Variants in ATP6V0D1 observed in about 807,000 individuals in gnomAD.
The protein encoded by ATP6V0D1 is V-type proton ATPase subunit d 1.
ATP6V0D1 carries 13 observed loss-of-function variants against 39.0 expected under a neutral mutation model. The observed-to-expected ratio is 0.33, with a 90% CI of 0.22 to 0.53. The LOEUF is 0.53. ATP6V0D1 is among the 20% of genes least tolerant of loss of function. The pLI is 0.94. For synonymous variants in ATP6V0D1, 191 were observed against 191.2 expected, an observed-to-expected ratio of 1.00 and a Z score of 0.01; for missense variants, 272 against 470.9, an observed-to-expected ratio of 0.58 and a Z score of 3.91.
In ATP6V0D1 at chr16:67,444,772, C is replaced by T; in HGVS notation, c.303-66G>A. ...GGGCCGGGAAGTCCTGGCATAGCAC[C>T]ATGCCCTCGCCCGCCTGCACAGGCC... On this transcript the variant is annotated intron_variant, in intron 2 of 7. Coordinates refer to ENST00000290949, the MANE Select transcript of ATP6V0D1 (RefSeq NM_004691.5). This position sits in a 1 kb window ranked among gnomAD's most constrained non-coding sequence, Gnocchi z 4.8. 2 of 1,429,422 alleles carry T rather than the reference C, an allele frequency of 1.4e-6. No homozygotes were observed. Among genetic ancestry groups the T allele is most frequent in the Non-Finnish European group, 1.9e-6 (2 of 1,065,576 alleles). The allele number at this position is 1,429,422 out of a possible 1,614,324, so 88.5% of individuals were successfully genotyped here.
At chr16:67,460,621 T>C (rs1567539628) in intron 1 of ATP6V0D1, among the ~76,000 whole-genome samples, 1 of 152,062 alleles carries the variant, frequency 6.6e-6, no homozygotes, top group Non-Finnish European at 1.5e-5. Flanking sequence ...ATTGACTGAG[T>C]AACCCCAAGT....
At position 67,438,814 on chromosome 16, in the gene ATP6V0D1, C is replaced by T. The variant is rs752486715; in HGVS notation, c.873G>A (p.Glu291=). ...TCACCTCGTGCTCAAAGAATCGGTCCTCCAGCGTCTTGTCTCCAGGGTTGC... is the reference window on the plus strand; with the variant it reads ...TCACCTCGTGCTCAAAGAATCGGTCTTCCAGCGTCTTGTCTCCAGGGTTGC... ...AGSNPGDKTL[E]DRFFEHEVKL... Residue 291 remains glutamate, a synonymous_variant, in exon 7 of 8, where the codon GAG becomes GAA. Transcript: ENST00000290949. 6.2e-7 allele frequency: 1 copy of T among 1,613,960 alleles called. No homozygotes were observed. The highest frequency in any genetic ancestry group is 8.5e-7 in the Non-Finnish European group (1 of 1,180,020).
intron 1 of ATP6V0D1, among the ~76,000 whole-genome samples, chr16:67,454,120 G>A (rs1253762381): frequency 6.6e-6 from 1 of 152,138 alleles, no homozygotes; most frequent in Non-Finnish European, 1.5e-5. Flanking sequence ...GGGTCAGAGG[G>A]GCAAGCCAAC....
At chr16:67,462,960 C>T (rs189367443) in intron 1 of ATP6V0D1, among the ~76,000 whole-genome samples, 19 of 152,182 alleles carry the variant, frequency 1.2e-4, no homozygotes, top group Admixed American at 5.2e-4. Flanking sequence ...CAGAAGGACA[C>T]GAAGGAAAGT....
At chr16:67,452,245 G>A (rs1002599167) in intron 2 of ATP6V0D1, 1 of 1,535,204 alleles carries the variant, frequency 6.5e-7, no homozygotes, top group African/African-American at 1.4e-5. Context: ...TACCTTGATG[G>A]AGGCCAGGGC....
At chr16:67,445,454 C>T (rs1331417492) in intron 2 of ATP6V0D1, among the ~76,000 whole-genome samples, 1 of 152,194 alleles carries the variant, frequency 6.6e-6, no homozygotes, top group Non-Finnish European at 1.5e-5. Context: ...GGAAGGCCAG[C>T]AAGGAGCCAG....
chr16:67,444,848 A>T lies in ATP6V0D1; in HGVS notation c.303-142T>A. On this transcript the variant is annotated intron_variant, in intron 2 of 7. Transcript: ENST00000290949. This position sits in a 1 kb window ranked among gnomAD's most constrained non-coding sequence, Gnocchi z 4.8. ...CTCATGGGTGCTGCGGATAAGCACC[A>T]GTGTCTCCTCTCCCTCCCCATGTTC... The T allele has an allele frequency of 1.3e-6, 1 of 740,868 alleles. No individual in the cohort carries two copies. Among genetic ancestry groups the T allele is most frequent in the Non-Finnish European group, 2.1e-6 (1 of 479,768 alleles). 45.9% of individuals were successfully genotyped at this position (740,868 alleles called of 1,614,324 possible).
chr16:67,474,359 C>G (rs1486461970), intron 1 of ATP6V0D1, among the ~76,000 whole-genome samples: 1 of 152,242 alleles, frequency 6.6e-6, no homozygotes, highest in Admixed American at 6.5e-5. Flanking sequence ...GCGCTGGGAT[C>G]AGTCCATCAG....
intron 1 of ATP6V0D1, among the ~76,000 whole-genome samples, chr16:67,465,238 A>T (rs2041319847): frequency 6.6e-6 from 1 of 152,216 alleles, no homozygotes; most frequent in Non-Finnish European, 1.5e-5. Flanking sequence ...CTGATAACCC[A>T]TCGCCAGCCT....
At chr16:67,454,376 TG>T (rs1388885441) in intron 1 of ATP6V0D1, among the ~76,000 whole-genome samples, 1 of 151,596 alleles carries the variant, frequency 6.6e-6, no homozygotes, top group Non-Finnish European at 1.5e-5. Context: ...CCCTTCAGAG[TG>T]GCCGGAGACA....
rs2041244147 is a variant in ATP6V0D1, at chr16:67,456,994, C to A, written c.131-3279G>T. ...AGCATGAAACTTCCTCTGCTCCAGC[C>A]TCCCACTTTGCTCCACATGGCTTCT... On this transcript the variant is annotated intron_variant, in intron 1 of 7. Transcript: ENST00000290949. The surrounding 1 kb of genome is among the most constrained non-coding windows in gnomAD (Gnocchi z 4.1). The A allele has an allele frequency of 6.5e-6, 1 of 152,786 alleles. No homozygotes were observed. The highest frequency in any genetic ancestry group is 6.5e-5 in the Admixed American group (1 of 15,300). The allele number at this position is 152,786 out of a possible 1,614,324, so 9.5% of individuals were successfully genotyped here.
rs767962633 is a variant in ATP6V0D1, at chr16:67,444,903, A to AG, written c.303-198dup. 7.2e-5 allele frequency among the ~76,000 whole-genome samples: 11 copies of AG among 152,264 alleles called. No homozygotes were observed. The highest frequency in any genetic ancestry group is 2.1e-4 in the South Asian group (1 of 4,824). ...CAAGCTTCTGACCACCCCCACTGCC[A>AG]GAGGCCTAGGACAGACACAGGCCCC... is the stretch of plus-strand genomic sequence containing the variant. On this transcript the variant is annotated intron_variant, in intron 2 of 7. Coordinates refer to ENST00000290949, the MANE Select transcript of ATP6V0D1 (RefSeq NM_004691.5). The surrounding 1 kb of genome is among the most constrained non-coding windows in gnomAD (Gnocchi z 4.8).
At chr16:67,463,472 A>AG (rs1327105588) in intron 1 of ATP6V0D1, among the ~76,000 whole-genome samples, 2 of 151,862 alleles carry the variant, frequency 1.3e-5, no homozygotes, top group Non-Finnish European at 2.9e-5. Context: ...TCAAGACTGC[A>AG]GTGTTCATGC....
Position 67,444,379 on chromosome 16 carries a change from G to C in ATP6V0D1, c.481+149C>G. ...GGGTGAAGTGAGGAGAGAATCGGAG[G>C]AGGAAGTTGAAGGGAGACAAAGGTA... On this transcript the variant is annotated intron_variant, in intron 3 of 7. Transcript: ENST00000290949. This position sits in a 1 kb window ranked among gnomAD's most constrained non-coding sequence, Gnocchi z 4.8. The C allele has an allele frequency of 1.2e-6, 1 of 811,094 alleles. No individual in the cohort carries two copies. The allele number at this position is 811,094 out of a possible 1,614,324, so 50.2% of individuals were successfully genotyped here. A position where few individuals can be genotyped will look rare whatever the true frequency, so the allele number is the denominator to read the frequency against.
chr16:67,448,499 A>C (rs2142307073), intron 2 of ATP6V0D1, among the ~76,000 whole-genome samples: 1 of 152,076 alleles, frequency 6.6e-6, no homozygotes, highest in African/African-American at 2.4e-5. Flanking sequence ...GTCTCTATTA[A>C]AAATACAAAA....
chr16:67,477,382 C>A (rs2041423967), intron 1 of ATP6V0D1, among the ~76,000 whole-genome samples: 1 of 152,106 alleles, frequency 6.6e-6, no homozygotes, highest in Non-Finnish European at 1.5e-5. Context: ...TATCTGATTA[C>A]ATTAACAAAT....
chr16:67,478,245 A>G (rs371504351), intron 1 of ATP6V0D1, among the ~76,000 whole-genome samples: 1 of 152,188 alleles, frequency 6.6e-6, no homozygotes. Flanking sequence ...AGGTTTGCCT[A>G]ACTCCAAAGT....
intron 1 of ATP6V0D1, chr16:67,458,989 T>C (rs527956444): frequency 1.5e-5 from 14 of 931,084 alleles, no homozygotes; most frequent in Admixed American, 1.2e-4. Flanking sequence ...GTCCTCCAAA[T>C]TGAATGGTTC....
chr16:67,466,270 C>T (rs747369819), intron 1 of ATP6V0D1, among the ~76,000 whole-genome samples: 4 of 150,056 alleles, frequency 2.7e-5, no homozygotes, highest in South Asian at 2.1e-4. Context: ...CACCTGCGGT[C>T]GAGGGCTCGA....
Sources: allele counts gnomAD v4.1 joint callset (sites outside exome capture counted in the v4.1 genomes callset), GRCh38; gene constraint gnomAD v4.1.1; non-coding constraint Gnocchi (gnomAD v3.1); transcripts MANE v1.5; gene names NCBI Gene and HGNC (gene_info 2026-07-23, HGNC 2026-07-21).